The following EFCAB8 variants were observed in gnomAD, a reference collection of about 807,000 sequenced individuals.
The protein encoded by EFCAB8 is EF-hand calcium binding domain 8.
In EFCAB8, 100 loss-of-function variants were observed where a neutral mutation model predicts 116.3. The ratio of observed to expected loss-of-function variants is 0.86; its 90% confidence interval spans 0.73 to 1.02. EFCAB8 has a LOEUF of 1.02. Among genes scored for constraint, EFCAB8 ranks in the 50% least tolerant of loss-of-function variants. EFCAB8 has a pLI of 0.00. For synonymous variants in EFCAB8, 558 were observed against 567.9 expected (o/e 0.98, Z 0.25); for missense variants, 1,320 against 1,416.9 (o/e 0.93, Z 1.10).
chr20:32,959,540 A>G (rs1356488813), intron 24 of EFCAB8, among the ~76,000 whole-genome samples: 1 of 152,188 alleles, frequency 6.6e-6, no homozygotes, highest in East Asian at 1.9e-4. Flanking sequence ...TCAGGTCTGC[A>G]TGGTGGAGAG....
chr20:32,918,562 TGTGC>T lies in EFCAB8; in HGVS notation c.2263_2266del (p.Val755ProfsTer50), dbSNP rs1267563939. Reference sequence around the variant, plus strand: ...CGAGAGACAAGGAGCCAGACAGGCCTGTGCCCCAGCAGGTGGGAGCGAGAGCCCA... The same window carrying T: ...CGAGAGACAAGGAGCCAGACAGGCCTCCCAGCAGGTGGGAGCGAGAGCCCA... On this transcript the variant is annotated frameshift_variant, in exon 19 of 27. Coordinates refer to ENST00000400522, the MANE Select transcript of EFCAB8 (RefSeq NM_001143967.2). LOFTEE classifies it high-confidence loss of function. 4.4e-5 allele frequency: 68 copies of T among 1,551,410 alleles called. No homozygotes were observed. The highest frequency in any genetic ancestry group is 5.8e-5 in the Non-Finnish European group (66 of 1,146,936).
chr20:32,955,827 A>G (rs1184663369), intron 23 of EFCAB8, among the ~76,000 whole-genome samples: 1 of 152,030 alleles, frequency 6.6e-6, no homozygotes, highest in Non-Finnish European at 1.5e-5. Context: ...CTGTTTCTCT[A>G]TTTTTTGTTA....
At chr20:32,920,000 ATCT>A in intron 19 of EFCAB8, 75 bp from the exon 20 acceptor site, 2 of 1,540,790 alleles carry the variant, frequency 1.3e-6, no homozygotes, top group Middle Eastern at 1.7e-4. Context: ...CTCTTTTATC[ATCT>A]TCCTCTGGTC....
intron 4 of EFCAB8, among the ~76,000 whole-genome samples, chr20:32,878,207 A>G (rs1985089425): frequency 6.6e-6 from 1 of 151,926 alleles, no homozygotes; most frequent in Admixed American, 6.6e-5. Flanking sequence ...TTGAGGCTGC[A>G]GTAAGCTGTG....
intron 3 of EFCAB8, 138 bp downstream of exon 3, chr20:32,867,885 G>C: frequency 1.0e-6 from 1 of 994,150 alleles, no homozygotes; most frequent in Non-Finnish European, 1.4e-6. Context: ...CTGTCACCCA[G>C]TCTGGAGTGC....
intron 20 of EFCAB8, among the ~76,000 whole-genome samples, chr20:32,928,298 C>T (rs34691205): frequency 0.14 from 20,682 of 151,486 alleles, 1,806 homozygotes; most frequent in Admixed American, 0.23. Flanking sequence ...TACAATGGCA[C>T]GATCTCGGCT....
Position 32,959,770 on chromosome 20 carries a change from C to CA in EFCAB8, c.3090-7dup. The CA allele has an allele frequency of 6.8e-7, 1 of 1,469,932 alleles. No homozygotes were observed. The highest frequency in any genetic ancestry group is 9.0e-7 in the Non-Finnish European group (1 of 1,107,086). 91.1% of individuals were successfully genotyped at this position (1,469,932 alleles called of 1,614,324 possible). A position where few individuals can be genotyped will look rare whatever the true frequency, so the allele number is the denominator to read the frequency against. On this transcript the variant is annotated splice_polypyrimidine_tract_variant and splice_region_variant and intron_variant, in intron 24 of 26. Transcript: ENST00000400522. The stretch of plus-strand genomic sequence containing the variant: ...GGGACATCTTGTGAAGGAAAGCCCC[C>CA]ACACTAGGGAGCAGCGGGATCTGGC...
At chr20:32,947,320 CATT>C (rs1810155447) in intron 23 of EFCAB8, among the ~76,000 whole-genome samples, 1 of 152,150 alleles carries the variant, frequency 6.6e-6, no homozygotes, top group Non-Finnish European at 1.5e-5. Context: ...TACAGAAAAT[CATT>C]AATGATATAG....
At chr20:32,863,927 G>C in intron 2 of EFCAB8, 93 bp downstream of exon 2, 2 of 1,401,378 alleles carry the variant, frequency 1.4e-6, no homozygotes, top group Non-Finnish European at 9.7e-7. Context: ...AGGTGTTTCT[G>C]CATCGGGGAG....
chr20:32,877,331 C>T (rs1000828488), intron 4 of EFCAB8, among the ~76,000 whole-genome samples: 2 of 150,838 alleles, frequency 1.3e-5, no homozygotes, highest in Non-Finnish European at 3.0e-5. Context: ...GCCTCAGCCT[C>T]CCGAGTAGCT....
chr20:32,936,894 G>A (rs1382188139), intron 22 of EFCAB8, among the ~76,000 whole-genome samples: 2 of 151,974 alleles, frequency 1.3e-5, no homozygotes, highest in African/African-American at 2.4e-5. Flanking sequence ...AGATTGCTTT[G>A]GGTAGTATGA....
At chr20:32,869,230 G>C (rs1984572256) in intron 3 of EFCAB8, among the ~76,000 whole-genome samples, 1 of 152,044 alleles carries the variant, frequency 6.6e-6, no homozygotes, top group South Asian at 2.1e-4. Flanking sequence ...CAGCAAGATG[G>C]GTGTTGCAAT....
At chr20:32,863,547 T>TAA (rs1267314981) in intron 1 of EFCAB8, among the ~76,000 whole-genome samples, 5 of 152,142 alleles carry the variant, frequency 3.3e-5, no homozygotes, top group African/African-American at 1.2e-4. Flanking sequence ...GGACAACTCC[T>TAA]CTCTATCAGG....
At position 32,892,210 on chromosome 20, in the gene EFCAB8, C is replaced by T. The variant is rs970830296; in HGVS notation, c.674-3C>T. On this transcript the variant is annotated splice_region_variant and splice_polypyrimidine_tract_variant and intron_variant, in intron 7 of 26. Coordinates refer to ENST00000400522, the MANE Select transcript of EFCAB8 (RefSeq NM_001143967.2). ...TCTATGTGGCCTTCTGTCTTTCCCCCAGATTTCTTTGATATTAGTGACCAC... is the reference window on the plus strand; with the variant it reads ...TCTATGTGGCCTTCTGTCTTTCCCCTAGATTTCTTTGATATTAGTGACCAC... The T allele has an allele frequency of 5.8e-6, 9 of 1,551,512 alleles. No individual in the cohort carries two copies. Among genetic ancestry groups the T allele is most frequent in the Non-Finnish European group, 7.8e-6 (9 of 1,146,966 alleles).
chr20:32,896,539 C>T lies in EFCAB8; in HGVS notation c.957+12C>T, dbSNP rs1467064011. 1 of 718,572 alleles carries T rather than the reference C, an allele frequency of 1.4e-6. No homozygotes were observed. Among genetic ancestry groups the T allele is most frequent in the Non-Finnish European group, 2.6e-6 (1 of 385,076 alleles). The allele number at this position is 718,572 out of a possible 1,614,324, so 44.5% of individuals were successfully genotyped here. A position where few individuals can be genotyped will look rare whatever the true frequency, so the allele number is the denominator to read the frequency against. The stretch of plus-strand genomic sequence containing the variant: ...GCTACCGGCTGAAGGTGAGTTTTTT[C>T]TTTCCTTGGCCTGTTACAATGGTAA... On this transcript the variant is annotated intron_variant, in intron 10 of 26. Coordinates refer to ENST00000400522, the MANE Select transcript of EFCAB8 (RefSeq NM_001143967.2).
intron 11 of EFCAB8, among the ~76,000 whole-genome samples, chr20:32,900,002 C>T (rs1986354966): frequency 6.6e-6 from 1 of 152,158 alleles, no homozygotes; most frequent in Non-Finnish European, 1.5e-5. Flanking sequence ...GGCCCCTAGT[C>T]TTTACCTTGA....
chr20:32,870,402 CT>C (rs1273009930), intron 3 of EFCAB8, among the ~76,000 whole-genome samples: 1 of 152,186 alleles, frequency 6.6e-6, no homozygotes, highest in Non-Finnish European at 1.5e-5. Flanking sequence ...TTTCATGATA[CT>C]TTTTTGATAT....
Position 32,935,192 on chromosome 20 carries a change from CTTTTTTT to C in EFCAB8, c.2790+3875_2790+3881del, listed in dbSNP as rs753039647. 8.2e-4 allele frequency among the ~76,000 whole-genome samples: 28 copies of C among 34,046 alleles called. No individual in the cohort carries two copies. The South Asian group carries it at 0.022, about 27-fold the overall frequency. 22.3% of individuals were successfully genotyped at this position (34,046 alleles called of 152,430 possible). ...TTCTCTTTTCTTTCTTTCTTTCTTT[CTTTTTTT>C]TTTTTTTTTTTTTTTTTTGAGATGG... On this transcript the variant is annotated intron_variant, in intron 22 of 26. Transcript: ENST00000400522.
At chr20:32,933,972 G>A (rs1379797809) in intron 22 of EFCAB8, among the ~76,000 whole-genome samples, 6 of 151,322 alleles carry the variant, frequency 4.0e-5, no homozygotes, top group East Asian at 1.9e-4. Flanking sequence ...GTGAGACTCC[G>A]TCTCAAAAAA....
Sources: allele counts gnomAD v4.1 joint callset (sites outside exome capture counted in the v4.1 genomes callset), GRCh38; gene constraint gnomAD v4.1.1; transcripts MANE v1.5; gene names NCBI Gene and HGNC (gene_info 2026-07-23, HGNC 2026-07-21).